Variants in CSN1S1 observed in about 807,000 individuals in gnomAD.
CSN1S1 encodes casein alpha s1, also known as alpha-S1-casein.
A neutral mutation model predicts 49.1 loss-of-function variants in CSN1S1; 63 were observed. The observed-to-expected ratio is 1.28, with a 90% CI of 1.05 to 1.58. The LOEUF (loss-of-function observed/expected upper bound fraction) is 1.58, where lower values mean the gene tolerates loss of function less well. Among genes scored for constraint, CSN1S1 ranks in the 40% most tolerant of loss-of-function variants. The probability of loss-of-function intolerance (pLI) is 0.00; values close to 1 mark genes in which losing one functional copy is unlikely to be tolerated. For missense variants in CSN1S1, 260 were observed against 224.7 expected, an observed-to-expected ratio of 1.16 and a Z score of -1.01; for synonymous variants, 78 against 67.1, an observed-to-expected ratio of 1.16 and a Z score of -0.79.
chr4:69,938,648 A>G (rs575713105), intron 9 of CSN1S1, among the ~76,000 whole-genome samples: 5 of 151,916 alleles, frequency 3.3e-5, no homozygotes, highest in African/African-American at 4.8e-5. Context: ...TTATATGTAT[A>G]TATAAATATA....
intron 12 of CSN1S1, 22 bp from the exon 13 acceptor site, chr4:69,942,024 C>T (rs752207423): frequency 4.2e-6 from 6 of 1,430,742 alleles, no homozygotes; most frequent in Admixed American, 2.2e-5. Flanking sequence ...AATACTAAAA[C>T]AGAATGTTTT....
At chr4:69,935,249 GT>G (rs1722734665) in intron 4 of CSN1S1, among the ~76,000 whole-genome samples, 1 of 151,806 alleles carries the variant, frequency 6.6e-6, no homozygotes, top group African/African-American at 2.4e-5. Flanking sequence ...TTATAAAAAT[GT>G]TTTTTTCACT....
At chr4:69,935,569 T>C (rs572480892) in intron 4 of CSN1S1, among the ~76,000 whole-genome samples, 1 of 152,172 alleles carries the variant, frequency 6.6e-6, no homozygotes, top group African/African-American at 2.4e-5. Context: ...TGTTGTTGTT[T>C]AACCTAAGTT....
At chr4:69,940,989 GC>G in intron 11 of CSN1S1, 29 bp from the exon 12 acceptor site, 1 of 1,266,376 alleles carries the variant, frequency 7.9e-7, no homozygotes, top group Non-Finnish European at 1.1e-6. Context: ...TGACATCCAA[GC>G]AATTGAGAAT....
At chr4:69,939,857 A>G (rs1722917902) in intron 10 of CSN1S1, among the ~76,000 whole-genome samples, 164 bp from the exon 11 acceptor site, 1 of 151,760 alleles carries the variant, frequency 6.6e-6, no homozygotes. Flanking sequence ...TGTGATTATA[A>G]TATGTGGTTC....
intron 14 of CSN1S1, among the ~76,000 whole-genome samples, chr4:69,944,005 GTC>G (rs143773409): frequency 8.6e-4 from 126 of 147,354 alleles, no homozygotes; most frequent in Admixed American, 7.5e-4. Context: ...CTGTCTGTCT[GTC>G]TCTCTCTCTC....
chr4:69,941,607 G>T (rs1236438427), intron 12 of CSN1S1, among the ~76,000 whole-genome samples: 1 of 151,796 alleles, frequency 6.6e-6, no homozygotes, highest in African/African-American at 2.4e-5. Context: ...CGTAATGAAG[G>T]CTTTGGGAAA....
intron 4 of CSN1S1, 79 bp from the exon 5 acceptor site, chr4:69,935,847 T>C (rs985096295): frequency 7.7e-6 from 7 of 913,028 alleles, no homozygotes; most frequent in Non-Finnish European, 1.2e-5. Context: ...CATAACGTTT[T>C]AATTCAAGGA....
At position 69,942,581 on chromosome 4, in the gene CSN1S1, A is replaced by G. The variant is rs1003486246; in HGVS notation, c.402+4A>G. ...TGAAAACAGCCATGTCCAAGTGGTAATATTTTGCTTAATATATTACAAAAC... is the reference window on the plus strand; with the variant it reads ...TGAAAACAGCCATGTCCAAGTGGTAGTATTTTGCTTAATATATTACAAAAC... On this transcript the variant is annotated splice_donor_region_variant and intron_variant, in intron 14 of 15. Transcript: ENST00000246891. 9 of 1,579,758 alleles carry G rather than the reference A, an allele frequency of 5.7e-6. 1 individual carries two copies. In the African/African-American group the frequency reaches 8.1e-5, roughly 14 times the overall value.
chr4:69,942,412 G>T (rs958774440), intron 13 of CSN1S1, 124 bp from the exon 14 acceptor site: 8 of 816,728 alleles, frequency 9.8e-6, no homozygotes, highest in African/African-American at 7.0e-5. Context: ...GCTAACTGTG[G>T]CATAGAATAC....
rs1299646841 is a variant in CSN1S1, at chr4:69,942,057, T to C, written c.354T>C (p.His118=). The change falls in exon 13 of 16, where the codon CAT becomes CAC. Residue 118 remains histidine, a synonymous_variant. Coordinates refer to ENST00000246891, the MANE Select transcript of CSN1S1 (RefSeq NM_001890.2). ...TTTCTCCTCCCTAGCAAGCTGCCCA[T>C]GCCCAGGTGAGATTATTTATTAAAT... ...EYNQLQLQAA[H]AQEQIRRMNE... 1 of 1,462,452 alleles carries C rather than the reference T, an allele frequency of 6.8e-7. No individual in the cohort carries two copies. Among genetic ancestry groups the C allele is most frequent in the Non-Finnish European group, 9.2e-7 (1 of 1,083,234 alleles). 90.6% of individuals were successfully genotyped at this position (1,462,452 alleles called of 1,614,324 possible).
In CSN1S1 at chr4:69,940,415, T is replaced by G. The variant is rs961897846; in HGVS notation, c.300+371T>G. Among the ~76,000 whole-genome samples, 4 of 151,832 alleles carry G rather than the reference T, an allele frequency of 2.6e-5. No homozygotes were observed. The East Asian group carries it at 7.7e-4, about 29-fold the overall frequency. The stretch of plus-strand genomic sequence containing the variant: ...ATATTTGTAATTTATAGTCTCCTTT[T>G]GAATCTACATAACATAGTATTTAAG... On this transcript the variant is annotated intron_variant, in intron 11 of 15. Coordinates refer to ENST00000246891, the MANE Select transcript of CSN1S1 (RefSeq NM_001890.2).
At chr4:69,935,011 T>C (rs998347631) in intron 4 of CSN1S1, among the ~76,000 whole-genome samples, 1 of 152,124 alleles carries the variant, frequency 6.6e-6, no homozygotes, top group Admixed American at 6.6e-5. Flanking sequence ...TAATTATTTG[T>C]TCTTCTAGCT....
At chr4:69,934,652 T>C in intron 3 of CSN1S1, 38 bp from the exon 4 acceptor site, 1 of 1,579,164 alleles carries the variant, frequency 6.3e-7, no homozygotes, top group Non-Finnish European at 8.7e-7. Flanking sequence ...TGTCCTGCAA[T>C]TGGAATAATA....
chr4:69,931,380 T>C (rs1057360330), intron 1 of CSN1S1, among the ~76,000 whole-genome samples: 13 of 152,114 alleles, frequency 8.5e-5, no homozygotes, highest in African/African-American at 3.1e-4. Flanking sequence ...AGTTGATACA[T>C]AATTTCAGTA....
chr4:69,941,957 C>G, intron 12 of CSN1S1, 89 bp from the exon 13 acceptor site: 1 of 777,144 alleles, frequency 1.3e-6, no homozygotes, highest in East Asian at 2.8e-5. Flanking sequence ...TAACATTGTC[C>G]CTGAACAAAT....
At chr4:69,943,766 G>A (rs2109729731) in intron 14 of CSN1S1, among the ~76,000 whole-genome samples, 1 of 152,026 alleles carries the variant, frequency 6.6e-6, no homozygotes, top group East Asian at 1.9e-4. Flanking sequence ...CATGGTGGAA[G>A]AGCAAAAAAG....
intron 4 of CSN1S1, among the ~76,000 whole-genome samples, chr4:69,935,165 C>A (rs1722731748): frequency 6.6e-6 from 1 of 151,916 alleles, no homozygotes; most frequent in East Asian, 1.9e-4. Flanking sequence ...TCTCAGGCTT[C>A]TTCTGGTAAG....
rs3756137 is a variant in CSN1S1 at position 69,933,430 on chromosome 4, T to A, written c.52-782T>A. On this transcript the variant is annotated intron_variant, in intron 2 of 15. Coordinates refer to ENST00000246891, the MANE Select transcript of CSN1S1 (RefSeq NM_001890.2). ...CCTGTCATTTACACTGACAGACTTG[T>A]TCTCTAAATTCTCCTTTGGAAAGTG... is the stretch of plus-strand genomic sequence containing the variant. 3.6e-4 allele frequency among the ~76,000 whole-genome samples: 55 copies of A among 152,108 alleles called. No homozygotes were observed. In the East Asian group the frequency reaches 0.01, roughly 29 times the overall value.
Sources: allele counts gnomAD v4.1 joint callset (sites outside exome capture counted in the v4.1 genomes callset), GRCh38; gene constraint gnomAD v4.1.1; transcripts MANE v1.5; gene names NCBI Gene and HGNC (gene_info 2026-07-23, HGNC 2026-07-21).